LNX1: variants seen among roughly 807,000 people sequenced by gnomAD.
LNX1 encodes ligand of numb-protein X 1.
LNX1 carries 54 observed loss-of-function variants against 68.4 expected under a neutral mutation model. That is an observed-to-expected ratio of 0.79 (90% CI 0.63 to 0.99). The LOEUF (loss-of-function observed/expected upper bound fraction) is 0.99. Among genes scored for constraint, LNX1 ranks in the 50% least tolerant of loss-of-function variants. The pLI is 0.00. For missense variants in LNX1, 906 were observed against 926.4 expected (o/e 0.98, Z 0.29); for synonymous variants, 336 against 350.0 (o/e 0.96, Z 0.45).
At chr4:53,646,701 G>A (rs1734892318) in intron 1 of LNX1, among the ~76,000 whole-genome samples, 1 of 152,210 alleles carries the variant, frequency 6.6e-6, no homozygotes, top group South Asian at 2.1e-4. Flanking sequence ...ATGCTGGCCA[G>A]AAATGAGCCA....
intron 2 of LNX1, among the ~76,000 whole-genome samples, chr4:53,535,870 G>A (rs566599878): frequency 6.6e-6 from 1 of 152,222 alleles, no homozygotes; most frequent in South Asian, 2.1e-4. Flanking sequence ...GTCTACATTT[G>A]ATATGACCCC....
chr4:53,575,836 G>A, intron 1 of LNX1: 2 of 1,589,218 alleles, frequency 1.3e-6, no homozygotes, highest in Admixed American at 1.7e-5. Context: ...GCTACTAGGG[G>A]ACCTAAACAG....
At chr4:53,549,975 C>G (rs550293999) in intron 2 of LNX1, among the ~76,000 whole-genome samples, 3 of 152,190 alleles carry the variant, frequency 2.0e-5, no homozygotes, top group African/African-American at 7.2e-5. Flanking sequence ...TTTAGGGTGG[C>G]CTCCCTAGGA....
chr4:53,484,184 C>A (rs1253417197), intron 6 of LNX1, among the ~76,000 whole-genome samples: 1 of 152,148 alleles, frequency 6.6e-6, no homozygotes, highest in Non-Finnish European at 1.5e-5. Context: ...TTACAAGCCA[C>A]CTAGGATAGT....
intron 2 of LNX1, among the ~76,000 whole-genome samples, chr4:53,561,488 A>G (rs1730286709): frequency 6.6e-6 from 1 of 152,126 alleles, no homozygotes; most frequent in South Asian, 2.1e-4. Flanking sequence ...ATCCTCCCAA[A>G]GTGCTGGGAT....
intron 1 of LNX1, among the ~76,000 whole-genome samples, chr4:53,638,706 A>C (rs1734569841): frequency 1.3e-5 from 2 of 152,342 alleles, no homozygotes; most frequent in South Asian, 4.1e-4. Flanking sequence ...TGTACCTTAC[A>C]GAGGAAGTAT....
chr4:53,575,826 G>A, intron 1 of LNX1: 1 of 1,588,058 alleles, frequency 6.3e-7, no homozygotes, highest in Non-Finnish European at 8.6e-7. Flanking sequence ...CAATGGACCA[G>A]CTACTAGGGG....
chr4:53,575,856 T>G, intron 1 of LNX1: 2 of 1,591,692 alleles, frequency 1.3e-6, no homozygotes, highest in Non-Finnish European at 1.7e-6. Context: ...GGAGCATGTT[T>G]AGAAAGTTGC....
At position 53,460,881 on chromosome 4, in the gene LNX1, T is replaced by C. The variant is rs1268071942; in HGVS notation, c.*26A>G. On this transcript the variant is annotated 3_prime_UTR_variant, in exon 11 of 11. Coordinates refer to ENST00000263925, the MANE Select transcript of LNX1 (RefSeq NM_001126328.3). ...CTTCTTAGCCTATTTGTGATTTTTC[T>C]GTTTTCCTCTGACCCATCATTGATT... The C allele has an allele frequency of 6.3e-7, 1 of 1,590,534 alleles. No homozygotes were observed. The highest frequency in any genetic ancestry group is 1.4e-5 in the African/African-American group (1 of 73,596).
rs774643585 is a variant in LNX1 at position 53,478,706 on chromosome 4, C to T, written c.1522G>A (p.Val508Ile). The T allele has an allele frequency of 8.1e-6, 13 of 1,613,890 alleles. No homozygotes were observed. The change falls in exon 8 of 11, where the codon GTA becomes ATA. Residue 508 changes from valine to isoleucine, a missense_variant. Transcript: ENST00000263925. ...HPTITCHEKV[V>I]NIQKDPGESL... ...TCACCGGGGTCTTTTTGGATATTTA[C>T]CACCTTCTCATGACAAGTAATTGTA...
At chr4:53,652,306 T>G (rs993767122) in exon 1 of LNX1, 1 of 152,222 alleles carries the variant, frequency 6.6e-6, no homozygotes, top group African/African-American at 2.4e-5. Context: ...CAGCTATGCA[T>G]GAAAACTGCT....
chr4:53,479,757 A>G (rs1016805124), intron 7 of LNX1, among the ~76,000 whole-genome samples: 27 of 152,376 alleles, frequency 1.8e-4, no homozygotes, highest in African/African-American at 6.3e-4. Context: ...CACAATGGGT[A>G]CCTGAATATT....
At chr4:53,603,238 C>T (rs1733092194) in intron 2 of LNX1, among the ~76,000 whole-genome samples, 1 of 152,218 alleles carries the variant, frequency 6.6e-6, no homozygotes, top group African/African-American at 2.4e-5. Context: ...TGGGAGCCGA[C>T]TCCTCACTGC....
In LNX1 at chr4:53,582,449, G is replaced by A. The variant is rs551588899; in HGVS notation, c.-86-8361C>T. Among the ~76,000 whole-genome samples the A allele has an allele frequency of 5.9e-5, 9 of 152,300 alleles. No individual in the cohort carries two copies. The South Asian group carries it at 1.9e-3, about 32-fold the overall frequency. On this transcript the variant is annotated intron_variant, in intron 1 of 10. Transcript: ENST00000263925. ...AGCTTTGTTTCATGAGTACATAAGC[G>A]AGCCCAGTCAAGTAATAAAGAGTTC...
intron 1 of LNX1, among the ~76,000 whole-genome samples, chr4:53,577,663 T>A (rs531612898): frequency 2.4e-3 from 363 of 152,134 alleles, no homozygotes; most frequent in African/African-American, 8.3e-3. Context: ...AATCCTCCCA[T>A]CTTAGCCTCC....
chr4:53,564,926 C>T (rs1412920765), intron 2 of LNX1, among the ~76,000 whole-genome samples: 3 of 152,204 alleles, frequency 2.0e-5, no homozygotes, highest in Admixed American at 6.5e-5. Context: ...CACCCGAATA[C>T]TGCGCTTTTC....
At chr4:53,622,466 G>A (rs1733919415), upstream of LNX1, among the ~76,000 whole-genome samples, 1 of 152,002 alleles carries the variant, frequency 6.6e-6, no homozygotes, top group African/African-American at 2.4e-5. Flanking sequence ...TGATTGGCGT[G>A]GCGAGACCAC....
intron 2 of LNX1, among the ~76,000 whole-genome samples, chr4:53,605,363 G>A (rs1733186218): frequency 6.6e-6 from 1 of 152,104 alleles, no homozygotes; most frequent in Admixed American, 6.5e-5. Flanking sequence ...TTTTATTAAA[G>A]TGATTACTAG....
intron 2 of LNX1, among the ~76,000 whole-genome samples, chr4:53,536,213 C>T (rs1286484151): frequency 6.6e-6 from 1 of 152,210 alleles, no homozygotes; most frequent in Admixed American, 6.5e-5. Flanking sequence ...TGTGAATACA[C>T]TTCCCATATT....
Sources: allele counts gnomAD v4.1 joint callset (sites outside exome capture counted in the v4.1 genomes callset), GRCh38; gene constraint gnomAD v4.1.1; transcripts MANE v1.5; gene names NCBI Gene and HGNC (gene_info 2026-07-23, HGNC 2026-07-21).